Variants in ZNF333 observed in about 807,000 individuals in gnomAD.
ZNF333 encodes zinc finger protein 333.
In ZNF333, 61 loss-of-function variants were observed where a neutral mutation model predicts 76.1. That is an observed-to-expected ratio of 0.80 (90% confidence interval 0.65 to 0.99). ZNF333 has a LOEUF of 0.99. Ranked by LOEUF, ZNF333 falls within the 50% of genes least tolerant of loss-of-function variation. The pLI is 0.00. For synonymous variants in ZNF333, 284 were observed against 305.0 expected (o/e 0.93, Z 0.72); for missense variants, 717 against 822.4 (o/e 0.87, Z 1.57).
chr19:14,706,227 C>G, intron 6 of ZNF333: 1 of 456,300 alleles, frequency 2.2e-6, no homozygotes. Context: ...AAGTGCAAGT[C>G]AGGTCAGACG....
chr19:14,707,103 G>A (rs1043141526), intron 7 of ZNF333: 5 of 245,094 alleles, frequency 2.0e-5, no homozygotes, highest in Admixed American at 1.7e-4. Flanking sequence ...TTTTAACTGT[G>A]TTTTTATAAA....
chr19:14,702,837 G>A (rs1384168918), intron 5 of ZNF333, among the ~76,000 whole-genome samples: 6 of 152,144 alleles, frequency 3.9e-5, no homozygotes, highest in Non-Finnish European at 8.8e-5. Context: ...GGCGGCAGGG[G>A]ACGCAAACAC....
chr19:14,697,362 T>TC (rs1390138639), intron 4 of ZNF333, among the ~76,000 whole-genome samples: 2 of 130,344 alleles, frequency 1.5e-5, no homozygotes, highest in Non-Finnish European at 3.1e-5. Flanking sequence ...CTTTTCTTTT[T>TC]TTTTTTTTTT....
chr19:14,717,823 A>C, intron 11 of ZNF333, 90 bp downstream of exon 11: 1 of 1,312,330 alleles, frequency 7.6e-7, no homozygotes, highest in Non-Finnish European at 1.1e-6. Context: ...AAGAGCCAAG[A>C]GCGATTCGAG....
chr19:14,727,159 CT>C (rs1222916925), intron 11 of ZNF333, among the ~76,000 whole-genome samples: 1 of 150,740 alleles, frequency 6.6e-6, no homozygotes, highest in African/African-American at 2.4e-5. Flanking sequence ...TCCTGAGCAG[CT>C]GGGACTACAG....
intron 7 of ZNF333, 25 bp from the exon 8 acceptor site, chr19:14,715,357 T>A: frequency 6.2e-7 from 1 of 1,610,516 alleles, no homozygotes; most frequent in East Asian, 2.2e-5. Context: ...GCACCAACCC[T>A]CATGCCTCTT....
At position 14,690,093 on chromosome 19, in the gene ZNF333, T is replaced by G. The variant is rs1248642976; in HGVS notation, c.-99T>G. On this transcript the variant is annotated 5_prime_UTR_variant, in exon 1 of 12. Transcript: ENST00000292530. ...GCGGCCGACGGCGGCTGAGCTGTGC[T>G]GCGCGGCGCGGCGCGGTGCGGCACG... 3 of 147,842 alleles carry G rather than the reference T, an allele frequency of 2.0e-5. No homozygotes were observed. Among genetic ancestry groups the G allele is most frequent in the Non-Finnish European group, 4.5e-5 (3 of 67,292 alleles). The allele number at this position is 147,842 out of a possible 1,614,324, so 9.2% of individuals were successfully genotyped here. A position where few individuals can be genotyped will look rare whatever the true frequency, so the allele number is the denominator to read the frequency against.
In ZNF333 at chr19:14,718,924, CTG is replaced by C. The variant is rs1371873322; in HGVS notation, c.1599_1600del (p.Tyr534Ter). ...VHKRIHTGEKLYECATCGQVL... is the reference protein window; with the variant it reads ...VHKRIHTGEKXYECATCGQVL... ...CAAGAGGATACACACAGGGGAGAAACTGTATGAGTGCGCGACTTGCGGTCAGG... is the reference window on the plus strand; with the variant it reads ...CAAGAGGATACACACAGGGGAGAAACTATGAGTGCGCGACTTGCGGTCAGG... On this transcript the variant is annotated frameshift_variant, in exon 12 of 12. Coordinates refer to ENST00000292530, the MANE Select transcript of ZNF333 (RefSeq NM_032433.4). LOFTEE classifies it high-confidence loss of function. 1.9e-6 allele frequency: 3 copies of C among 1,614,024 alleles called. No homozygotes were observed. Among genetic ancestry groups the C allele is most frequent in the Admixed American group, 1.7e-5 (1 of 60,000 alleles).
chr19:14,714,665 T>C (rs2042374528), intron 7 of ZNF333: 1 of 151,636 alleles, frequency 6.6e-6, no homozygotes, highest in Admixed American at 6.6e-5. Context: ...AGGGGAAAGG[T>C]CCCATCGGGA....
At position 14,710,954 on chromosome 19, in the gene ZNF333, A is replaced by G. The variant is rs77349005; in HGVS notation, c.511+4181A>G. Among the ~76,000 whole-genome samples, 1,199 of 151,530 alleles carry G rather than the reference A, an allele frequency of 7.9e-3. 14 individuals carry two copies. Among genetic ancestry groups the G allele is most frequent in the African/African-American group, 0.027 (1,135 of 41,274 alleles). Reference sequence around the variant, plus strand: ...TGCGGAGATCACATGGTGAGGGAGGAAGCAGGAGCGGGGGCAGTGGGGGAG... The same window carrying G: ...TGCGGAGATCACATGGTGAGGGAGGGAGCAGGAGCGGGGGCAGTGGGGGAG... On this transcript the variant is annotated intron_variant, in intron 7 of 11. Transcript: ENST00000292530.
intron 6 of ZNF333, 157 bp from the exon 7 acceptor site, chr19:14,706,529 T>C (rs1009407539): frequency 1.6e-5 from 11 of 677,198 alleles, no homozygotes; most frequent in South Asian, 1.3e-4. Flanking sequence ...TATTTAAGGA[T>C]TGGGTAAATC....
At chr19:14,692,295 G>A (rs1160692933) in intron 1 of ZNF333, among the ~76,000 whole-genome samples, 2 of 152,216 alleles carry the variant, frequency 1.3e-5, no homozygotes, top group Non-Finnish European at 2.9e-5. Context: ...GTTGTACGTA[G>A]CTAAACAAGG....
rs906409435 is a variant in ZNF333, at chr19:14,718,079, A to G, written c.901-149A>G. Reference sequence around the variant, plus strand: ...CAGAGTATCCACCCTATTCCACTTGAAGGAACTCTGGATAGAAATGGTATG... The same window carrying G: ...CAGAGTATCCACCCTATTCCACTTGGAGGAACTCTGGATAGAAATGGTATG... On this transcript the variant is annotated intron_variant, in intron 11 of 11. Transcript: ENST00000292530. 8.0e-6 allele frequency: 9 copies of G among 1,119,720 alleles called. No individual in the cohort carries two copies. The East Asian group carries it at 2.1e-4, about 26-fold the overall frequency. The allele number at this position is 1,119,720 out of a possible 1,614,324, so 69.4% of individuals were successfully genotyped here. A position where few individuals can be genotyped will look rare whatever the true frequency, so the allele number is the denominator to read the frequency against.
At chr19:14,695,527 CCTCT>C in intron 3 of ZNF333, 35 bp from the exon 4 acceptor site, 9 of 1,559,510 alleles carry the variant, frequency 5.8e-6, no homozygotes, top group Non-Finnish European at 8.0e-6. Flanking sequence ...CCCTGCAAGC[CCTCT>C]CTCTCTCAGT....
downstream of ZNF333, among the ~76,000 whole-genome samples, chr19:14,726,693 A>G (rs2042634711): frequency 6.6e-6 from 1 of 152,160 alleles, no homozygotes; most frequent in South Asian, 2.1e-4. Context: ...TAGGACATAG[A>G]CGCAATGCTG....
chr19:14,695,658 G>T lies in ZNF333; in HGVS notation c.220G>T (p.Val74Phe). The T allele has an allele frequency of 6.2e-7, 1 of 1,614,062 alleles. No individual in the cohort carries two copies. The highest frequency in any genetic ancestry group is 8.5e-7 in the Non-Finnish European group (1 of 1,179,950). The part of the protein sequence containing the change: ...TERGILRATG[V>F]AWESQLKPEE... ...ACGAGGGATTCTCCGTGCCACAGGT[G>T]TTGGTGAGTACCAGGCAGGCTGTGG... Residue 74 changes from valine (V) to phenylalanine (F), a missense_variant, in exon 4 of 12, where the codon GTT (valine) becomes TTT (phenylalanine). Physicochemically the swap from Val to Phe is conservative, Grantham distance 50. Coordinates refer to ENST00000292530, the MANE Select transcript of ZNF333 (RefSeq NM_032433.4).
downstream of ZNF333, among the ~76,000 whole-genome samples, chr19:14,722,269 G>A (rs2042598610): frequency 6.6e-6 from 1 of 152,206 alleles, no homozygotes; most frequent in African/African-American, 2.4e-5. Flanking sequence ...CTATCAAGAG[G>A]TGGAGTTTAT....
intron 4 of ZNF333, among the ~76,000 whole-genome samples, chr19:14,698,373 C>CAAAA (rs35567352): frequency 1.5e-5 from 1 of 67,460 alleles, no homozygotes; most frequent in Non-Finnish European, 2.8e-5. Flanking sequence ...GACTCCGTCT[C>CAAAA]AAAAAAAAAA....
At position 14,703,327 on chromosome 19, in the gene ZNF333, C is replaced by T. The variant is rs369802456; in HGVS notation, c.307-1727C>T. 5.9e-5 allele frequency among the ~76,000 whole-genome samples: 9 copies of T among 151,950 alleles called. No individual in the cohort carries two copies. In the Middle Eastern group the frequency reaches 0.01, roughly 172 times the overall value. On this transcript the variant is annotated intron_variant, in intron 5 of 11. Coordinates refer to ENST00000292530, the MANE Select transcript of ZNF333 (RefSeq NM_032433.4). ...CCCACCGGGTCCCTCCCATGACATA[C>T]GGGGATTATGGGAACTACAATTCAA...
Sources: gnomAD v4.1 joint callset for allele counts (sites outside exome capture counted in the v4.1 genomes callset) on GRCh38, gnomAD v4.1.1 for gene constraint, MANE v1.5 for transcripts, NCBI Gene and HGNC (gene_info 2026-07-23, HGNC 2026-07-21) for gene names.